EPHB1: variants seen among roughly 807,000 people sequenced by gnomAD.
EPHB1 encodes the protein EPH receptor B1, also known as ephrin type-B receptor 1.
Under a neutral mutation model 94.4 loss-of-function variants are expected in EPHB1, and 30 were observed. The ratio of observed to expected loss-of-function variants is 0.32; its 90% CI spans 0.24 to 0.43. EPHB1 has a LOEUF of 0.43. Ranked by LOEUF, EPHB1 falls within the 20% of genes least tolerant of loss-of-function variation. EPHB1 has a pLI of 1.00. For missense variants in EPHB1, 1,055 were observed against 1,308.3 expected (o/e 0.81, Z 2.99); for synonymous variants, 522 against 489.1 (o/e 1.07, Z -0.89).
chr3:135,162,249 A>T, intron 7 of EPHB1, 69 bp downstream of exon 7: 1 of 1,458,026 alleles, frequency 6.9e-7, no homozygotes, highest in Non-Finnish European at 9.1e-7. Context: ...AGCCCCAAAG[A>T]TGCTGCACTA....
At chr3:135,219,272 T>C (rs6769779) in intron 12 of EPHB1, among the ~76,000 whole-genome samples, 52,575 of 151,866 alleles carry the variant, frequency 0.35, 9,806 homozygotes, top group Middle Eastern at 0.48. Context: ...AAAAGATACA[T>C]TGGAGTCCTT....
chr3:135,082,705 G>A (rs1197474747), intron 3 of EPHB1, among the ~76,000 whole-genome samples: 2 of 152,236 alleles, frequency 1.3e-5, no homozygotes, highest in African/African-American at 2.4e-5. Context: ...TGAGATTCAT[G>A]TGAGCAAAAT....
intron 1 of EPHB1, among the ~76,000 whole-genome samples, chr3:134,917,745 G>A (rs1372063266): frequency 6.6e-6 from 1 of 152,178 alleles, no homozygotes; most frequent in Non-Finnish European, 1.5e-5. Flanking sequence ...GTTTCCTCAG[G>A]CTTGTTTCTT....
intron 1 of EPHB1, among the ~76,000 whole-genome samples, chr3:134,828,990 A>G (rs905842866): frequency 1.3e-5 from 2 of 152,232 alleles, no homozygotes; most frequent in Non-Finnish European, 2.9e-5. Context: ...CACCCAGGTC[A>G]TACCCTATTT....
At chr3:135,244,847 A>C (rs79158021) in intron 13 of EPHB1, among the ~76,000 whole-genome samples, 376 of 152,332 alleles carry the variant, frequency 2.5e-3, no homozygotes, top group African/African-American at 8.2e-3. Flanking sequence ...TCATATACCA[A>C]TGATTGATCT....
intron 3 of EPHB1, among the ~76,000 whole-genome samples, chr3:135,051,338 G>T (rs2107771392): frequency 6.6e-6 from 1 of 152,302 alleles, no homozygotes; most frequent in Admixed American, 6.5e-5. Flanking sequence ...CTCTGGGCCT[G>T]GGTGCTGACC....
At chr3:135,110,374 C>T (rs1185832160) in intron 4 of EPHB1, among the ~76,000 whole-genome samples, 3 of 152,166 alleles carry the variant, frequency 2.0e-5, no homozygotes, top group Non-Finnish European at 4.4e-5. Context: ...AGATGAGGGA[C>T]ACAGTGCCTG....
chr3:135,240,991 C>A (rs1943768722), intron 12 of EPHB1, among the ~76,000 whole-genome samples, 157 bp from the exon 13 acceptor site: 1 of 152,166 alleles, frequency 6.6e-6, no homozygotes, highest in African/African-American at 2.4e-5. Flanking sequence ...CTAGGCACAG[C>A]AACATAGCTT....
intron 3 of EPHB1, among the ~76,000 whole-genome samples, chr3:135,055,827 C>G (rs1937330575): frequency 6.6e-6 from 1 of 152,204 alleles, no homozygotes; most frequent in African/African-American, 2.4e-5. Context: ...TGTCACCACA[C>G]AGGTCTGAGT....
chr3:135,050,939 TGTG>T, intron 3 of EPHB1, among the ~76,000 whole-genome samples: 1 of 152,038 alleles, frequency 6.6e-6, no homozygotes, highest in East Asian at 1.9e-4. Context: ...TGTGTGTGTG[TGTG>T]TGTGTTTAAG....
chr3:135,125,921 A>G (rs939345824), intron 4 of EPHB1, among the ~76,000 whole-genome samples: 1 of 152,054 alleles, frequency 6.6e-6, no homozygotes, highest in Non-Finnish European at 1.5e-5. Flanking sequence ...ATAACATCTC[A>G]AAGACCCTTT....
intron 3 of EPHB1, among the ~76,000 whole-genome samples, chr3:134,977,705 C>T (rs1001753851): frequency 2.6e-5 from 4 of 152,124 alleles, no homozygotes; most frequent in Admixed American, 2.6e-4. Flanking sequence ...TCCCCTCTGC[C>T]TTCTCAGCTT....
intron 5 of EPHB1, among the ~76,000 whole-genome samples, chr3:135,142,835 C>G (rs1203080092): frequency 6.6e-6 from 1 of 152,050 alleles, no homozygotes; most frequent in African/African-American, 2.4e-5. Context: ...GCTCATGCCT[C>G]CGATGAATGG....
At chr3:135,179,763 C>T (rs1252316535) in intron 9 of EPHB1, 97 bp from the exon 10 acceptor site, 52 of 1,467,106 alleles carry the variant, frequency 3.5e-5, no homozygotes, top group Non-Finnish European at 4.8e-5. Flanking sequence ...TAGGAGAGCT[C>T]CTCCCAGGAA....
In EPHB1 at chr3:134,925,799, T is replaced by G. The variant is rs754908715; in HGVS notation, c.59-17T>G. ...CTCATTGTTTTTGTTTATTCGTTTT[T>G]TCTTTTTAATCTACAGAAACGTTAA... On this transcript the variant is annotated splice_polypyrimidine_tract_variant and intron_variant, in intron 1 of 15. Transcript: ENST00000398015. 37 of 1,568,854 alleles carry G rather than the reference T, an allele frequency of 2.4e-5. No individual in the cohort carries two copies. In the African/African-American group the frequency reaches 5.0e-4, roughly 21 times the overall value.
At chr3:135,045,000 C>T (rs1936957243) in intron 3 of EPHB1, among the ~76,000 whole-genome samples, 1 of 152,068 alleles carries the variant, frequency 6.6e-6, no homozygotes. Flanking sequence ...TGAGAAGTGC[C>T]GAGTAATTTA....
intron 1 of EPHB1, among the ~76,000 whole-genome samples, chr3:134,903,242 C>T (rs999384026): frequency 4.6e-5 from 7 of 152,224 alleles, no homozygotes; most frequent in Non-Finnish European, 7.3e-5. Context: ...ATCTGGAGGT[C>T]GTTGGAAGGA....
At chr3:134,818,396 G>T (rs1208454649) in intron 1 of EPHB1, among the ~76,000 whole-genome samples, 1 of 152,206 alleles carries the variant, frequency 6.6e-6, no homozygotes, top group African/African-American at 2.4e-5. Context: ...TTGTCCATAA[G>T]TAATTGGGGT....
intron 11 of EPHB1, among the ~76,000 whole-genome samples, chr3:135,200,709 C>A (rs1009538400): frequency 6.6e-6 from 1 of 152,156 alleles, no homozygotes; most frequent in African/African-American, 2.4e-5. Context: ...AAGACACACA[C>A]ACACACGATT....
Sources: gnomAD v4.1 joint callset for allele counts (sites outside exome capture counted in the v4.1 genomes callset) on GRCh38, gnomAD v4.1.1 for gene constraint, MANE v1.5 for transcripts, NCBI Gene and HGNC (gene_info 2026-07-23, HGNC 2026-07-21) for gene names.